The following CDH23 variants were observed in gnomAD, a reference collection of about 807,000 sequenced individuals.
CDH23 encodes the protein cadherin related 23.
CDH23 carries 189 observed loss-of-function variants against 317.1 expected under a neutral mutation model. The observed-to-expected ratio is 0.60, with a 90% CI of 0.53 to 0.67. CDH23 has a LOEUF of 0.67. Among genes scored for constraint, CDH23 ranks in the 30% least tolerant of loss-of-function variants. The probability of loss-of-function intolerance (pLI) is 0.00; values close to 1 mark genes in which losing one functional copy is unlikely to be tolerated. For missense variants in CDH23, 4,401 were observed against 4,592.4 expected, an observed-to-expected ratio of 0.96 and a Z score of 1.20; for synonymous variants, 1,839 against 1,876.8, an observed-to-expected ratio of 0.98 and a Z score of 0.52.
At chr10:71,513,127 C>T (rs1481876285) in intron 6 of CDH23, among the ~76,000 whole-genome samples, 2 of 152,146 alleles carry the variant, frequency 1.3e-5, no homozygotes, top group African/African-American at 2.4e-5. Context: ...AAGGACACAC[C>T]GTCCTTGGAG....
intron 10 of CDH23, among the ~76,000 whole-genome samples, chr10:71,616,291 G>T (rs754282893): frequency 1.3e-5 from 2 of 152,224 alleles, no homozygotes; most frequent in Non-Finnish European, 2.9e-5. Context: ...TGAGGCCAGG[G>T]GCTCTGGGAA....
intron 55 of CDH23, among the ~76,000 whole-genome samples, chr10:71,805,231 A>G (rs1170453158): frequency 2.0e-5 from 3 of 152,226 alleles, no homozygotes; most frequent in Admixed American, 2.0e-4. Flanking sequence ...ACTGAGGCTC[A>G]GGGAAGTGAG....
chr10:71,730,114 G>T (rs1839315397), intron 30 of CDH23, among the ~76,000 whole-genome samples: 1 of 152,182 alleles, frequency 6.6e-6, no homozygotes, highest in African/African-American at 2.4e-5. Flanking sequence ...TGGGATTACA[G>T]GCGTGAGCCA....
chr10:71,688,825 G>C (rs1264884808), intron 19 of CDH23, among the ~76,000 whole-genome samples: 8 of 118,846 alleles, frequency 6.7e-5, no homozygotes, highest in African/African-American at 1.5e-4. Flanking sequence ...GTGGAGCCAG[G>C]GGTGGTGGAG....
intron 14 of CDH23, among the ~76,000 whole-genome samples, chr10:71,658,048 C>T (rs1263391025): frequency 6.6e-6 from 1 of 152,234 alleles, no homozygotes; most frequent in Non-Finnish European, 1.5e-5. Flanking sequence ...TTCTGGGCCC[C>T]TTTAATGGGC....
chr10:71,633,734 G>A (rs1862128616), intron 11 of CDH23, among the ~76,000 whole-genome samples: 1 of 152,158 alleles, frequency 6.6e-6, no homozygotes, highest in South Asian at 2.1e-4. Flanking sequence ...TCCTATGACG[G>A]TGGGATCCCT....
intron 18 of CDH23, among the ~76,000 whole-genome samples, chr10:71,685,621 A>C (rs1051573731): frequency 6.6e-6 from 1 of 152,176 alleles, no homozygotes; most frequent in Non-Finnish European, 1.5e-5. Context: ...AAGAGGCCCC[A>C]TTTTCAAATT....
intron 4 of CDH23, 24 bp from the exon 5 acceptor site, chr10:71,510,930 C>A: frequency 1.2e-6 from 2 of 1,613,772 alleles, no homozygotes; most frequent in Middle Eastern, 1.6e-4. Context: ...AACTGCCCCC[C>A]TCCCTCTCTC....
chr10:71,702,598 C>A lies in CDH23; in HGVS notation c.2637C>A (p.Asn879Lys), dbSNP rs1865633172. The A allele has an allele frequency of 6.2e-7, 1 of 1,614,006 alleles. No individual in the cohort carries two copies. Among genetic ancestry groups the A allele is most frequent in the Non-Finnish European group, 8.5e-7 (1 of 1,179,898 alleles). Reference sequence around the variant, plus strand: ...CCAGCAGTGCCACAGTGTTTGTGAACCTCTTGGATCTCAATGACAATGACC... The same window carrying A: ...CCAGCAGTGCCACAGTGTTTGTGAAACTCTTGGATCTCAATGACAATGACC... ...KATSSATVFVNLLDLNDNDPT... is the reference protein window; with the variant it reads ...KATSSATVFVKLLDLNDNDPT... Residue 879 changes from asparagine to lysine, a missense_variant, in exon 24 of 70, where the codon AAC (asparagine) becomes AAA (lysine). By Grantham distance (94) the Asn-to-Lys change is moderately conservative. Transcript: ENST00000224721.
In CDH23 at chr10:71,584,500, A is replaced by G. The variant is rs112557129; in HGVS notation, c.832+6508A>G. Reference sequence around the variant, plus strand: ...AGGTACATTGAGTGCTTTAAAATATACTGAAATACATGAAAATACACTGAT... The same window carrying G: ...AGGTACATTGAGTGCTTTAAAATATGCTGAAATACATGAAAATACACTGAT... On this transcript the variant is annotated intron_variant, in intron 9 of 69. Transcript: ENST00000224721. Among the ~76,000 whole-genome samples, 1,412 of 152,168 alleles carry G rather than the reference A, an allele frequency of 9.3e-3. 21 individuals are homozygous for G. Among genetic ancestry groups the G allele is most frequent in the African/African-American group, 0.032 (1,338 of 41,506 alleles).
rs753068359 is a variant in CDH23, at chr10:71,702,149, G to A, written c.2525G>A (p.Arg842Gln). 3.0e-5 allele frequency: 48 copies of A among 1,613,934 alleles called. No homozygotes were observed. Among genetic ancestry groups the A allele is most frequent in the East Asian group, 4.5e-5 (2 of 44,876 alleles). Residue 842 changes from arginine (R) to glutamine (Q), a missense_variant, in exon 23 of 70, where the codon CGG (arginine) becomes CAG (glutamine). Physicochemically the swap from Arg to Gln is conservative, Grantham distance 43 (BLOSUM62 1). Coordinates refer to ENST00000224721, the MANE Select transcript of CDH23 (RefSeq NM_022124.6). ...KIRTTHAMLD[R>Q]ENPDPHEAEL... ...CGCACCACCCACGCCATGCTGGACC[G>A]GGAGAACCCCGACCCCCATGAGGCC...
At chr10:71,574,355 G>A (rs1346515856) in intron 8 of CDH23, among the ~76,000 whole-genome samples, 1 of 152,196 alleles carries the variant, frequency 6.6e-6, no homozygotes, top group Non-Finnish European at 1.5e-5. Flanking sequence ...GCCCGTCAGT[G>A]AAGGGCCGAT....
At chr10:71,743,172 A>C (rs762799272) in intron 38 of CDH23, among the ~76,000 whole-genome samples, 21 of 152,226 alleles carry the variant, frequency 1.4e-4, no homozygotes, top group Non-Finnish European at 2.6e-4. Context: ...TGGGAAAATA[A>C]ACTCTACCTT....
At chr10:71,584,965 A>G (rs1858947218) in intron 9 of CDH23, among the ~76,000 whole-genome samples, 1 of 152,120 alleles carries the variant, frequency 6.6e-6, no homozygotes, top group Non-Finnish European at 1.5e-5. Flanking sequence ...AAGACAGAGA[A>G]AGCAAAAGAA....
intron 27 of CDH23, among the ~76,000 whole-genome samples, chr10:71,711,052 A>G (rs1330813027): frequency 6.6e-6 from 1 of 151,908 alleles, no homozygotes. Flanking sequence ...TCTGGGCCTC[A>G]CTCTTTCCAA....
intron 1 of CDH23, among the ~76,000 whole-genome samples, chr10:71,425,161 C>A (rs996209835): frequency 7.0e-6 from 1 of 142,858 alleles, no homozygotes; most frequent in South Asian, 2.3e-4. Flanking sequence ...TGGAAGGTGC[C>A]CTGGAGTGGG....
chr10:71,586,940 T>C (rs1037926591), intron 9 of CDH23, among the ~76,000 whole-genome samples: 1 of 152,244 alleles, frequency 6.6e-6, no homozygotes, highest in Admixed American at 6.5e-5. Flanking sequence ...TACTGTAGTT[T>C]ATTCATCCAT....
At chr10:71,708,057 C>A (rs536678362) in intron 26 of CDH23, among the ~76,000 whole-genome samples, 1 of 152,320 alleles carries the variant, frequency 6.6e-6, no homozygotes, top group East Asian at 1.9e-4. Flanking sequence ...ACTAAGACCC[C>A]TCACATGGCA....
intron 6 of CDH23, among the ~76,000 whole-genome samples, chr10:71,558,637 T>A (rs1195219345): frequency 6.6e-6 from 1 of 152,220 alleles, no homozygotes; most frequent in Non-Finnish European, 1.5e-5. Flanking sequence ...TGTCTCTTCA[T>A]ATATACCAGT....
Sources: allele counts gnomAD v4.1 joint callset (sites outside exome capture counted in the v4.1 genomes callset), GRCh38; gene constraint gnomAD v4.1.1; transcripts MANE v1.5; gene names NCBI Gene and HGNC (gene_info 2026-07-23, HGNC 2026-07-21).